The following DHRS7B variants were observed in gnomAD, a reference collection of about 807,000 sequenced individuals.
The protein encoded by DHRS7B is peroxisomal reductase activating PPAR-gamma.
A neutral mutation model predicts 26.4 loss-of-function variants in DHRS7B; 24 were observed. That is an observed-to-expected ratio of 0.91 (90% CI 0.66 to 1.28). The LOEUF is 1.28. DHRS7B is among the 50% of genes most tolerant of loss of function. The pLI, the probability that DHRS7B is intolerant of heterozygous loss-of-function variation, is 0.00. For missense variants in DHRS7B, 368 were observed against 419.4 expected, an observed-to-expected ratio of 0.88 and a Z score of 1.07; for synonymous variants, 142 against 166.4, an observed-to-expected ratio of 0.85 and a Z score of 1.13.
At chr17:21,136,522 A>G (rs939855695) in intron 1 of DHRS7B, among the ~76,000 whole-genome samples, 1 of 149,424 alleles carries the variant, frequency 6.7e-6, no homozygotes, top group African/African-American at 2.4e-5. Context: ...AAAGAAAAAA[A>G]AAAGAAAAGG....
At chr17:21,172,923 A>G (rs1350606411) in intron 2 of DHRS7B, among the ~76,000 whole-genome samples, 2 of 152,230 alleles carry the variant, frequency 1.3e-5, no homozygotes, top group Non-Finnish European at 2.9e-5. Context: ...CCACACACGT[A>G]TATTGACTTG....
At chr17:21,153,630 A>C (rs1180759925) in intron 1 of DHRS7B, among the ~76,000 whole-genome samples, 2 of 152,184 alleles carry the variant, frequency 1.3e-5, no homozygotes, top group Admixed American at 1.3e-4. Flanking sequence ...AGAGGCTAGG[A>C]AGTAGAAGAT....
At chr17:21,132,340 A>G (rs1444329107) in intron 1 of DHRS7B, among the ~76,000 whole-genome samples, 1 of 122,784 alleles carries the variant, frequency 8.1e-6, no homozygotes. Context: ...ATCTCTTAAA[A>G]AAAAAAAAAT....
At chr17:21,172,570 C>T (rs902766409) in intron 2 of DHRS7B, 44 of 322,560 alleles carry the variant, frequency 1.4e-4, no homozygotes, top group Admixed American at 3.1e-4. Flanking sequence ...TAACTTAAAA[C>T]GTGTTTTTAC....
chr17:21,134,442 G>A (rs1260181806), intron 1 of DHRS7B, among the ~76,000 whole-genome samples: 4 of 152,156 alleles, frequency 2.6e-5, no homozygotes, highest in Admixed American at 6.6e-5. Context: ...AGATAAACCT[G>A]GGGCTTCTGG....
At chr17:21,153,528 G>A (rs190854098) in intron 1 of DHRS7B, among the ~76,000 whole-genome samples, 18 of 152,256 alleles carry the variant, frequency 1.2e-4, no homozygotes, top group South Asian at 2.1e-4. Context: ...ACACCAAATC[G>A]CAGAACAAGG....
At chr17:21,172,955 C>T (rs536592525) in intron 2 of DHRS7B, among the ~76,000 whole-genome samples, 2 of 152,244 alleles carry the variant, frequency 1.3e-5, no homozygotes, top group Non-Finnish European at 2.9e-5. Context: ...ATGCACACAC[C>T]ATACCATCTG....
intron 1 of DHRS7B, among the ~76,000 whole-genome samples, chr17:21,161,686 T>G (rs1380023392): frequency 6.6e-6 from 1 of 152,184 alleles, no homozygotes; most frequent in African/African-American, 2.4e-5. Context: ...TGAAATAGAT[T>G]GATTACTTAC....
chr17:21,139,630 C>T (rs575802896), intron 1 of DHRS7B, among the ~76,000 whole-genome samples: 17 of 151,764 alleles, frequency 1.1e-4, no homozygotes, highest in Middle Eastern at 3.4e-3. Flanking sequence ...GCCAAGATCG[C>T]GCCACTGCAC....
intron 5 of DHRS7B, among the ~76,000 whole-genome samples, chr17:21,185,407 C>T (rs1488563648): frequency 6.6e-6 from 1 of 152,186 alleles, no homozygotes; most frequent in Non-Finnish European, 1.5e-5. Context: ...TTCTTTCTTC[C>T]AAGATCTGGA....
chr17:21,191,042 G>A lies in DHRS7B; in HGVS notation c.867G>A (p.Leu289=). 2.5e-6 allele frequency: 4 copies of A among 1,614,248 alleles called. No homozygotes were observed. Among genetic ancestry groups the A allele is most frequent in the Non-Finnish European group, 3.4e-6 (4 of 1,180,050 alleles). Residue 289 remains leucine (L), a synonymous_variant, in exon 7 of 7, where the codon CTG becomes CTA. Transcript: ENST00000395511. The stretch of plus-strand genomic sequence containing the variant: ...GGAAGAAGAAGAAAGATGTGATCCT[G>A]GCTGACTTACTGCCTTCCTTGGCTG... ...AVGKKKKDVI[L]ADLLPSLAVY... is the part of the protein sequence containing the mutation.
intron 4 of DHRS7B, 117 bp from the exon 5 acceptor site, chr17:21,184,254 G>T (rs1567630191): frequency 3.4e-6 from 3 of 895,294 alleles, no homozygotes; most frequent in Non-Finnish European, 5.2e-6. Flanking sequence ...ACCCTAAGGG[G>T]TTTTCACCAT....
chr17:21,163,300 A>G (rs182194909), intron 1 of DHRS7B, among the ~76,000 whole-genome samples: 1 of 152,118 alleles, frequency 6.6e-6, no homozygotes, highest in South Asian at 2.1e-4. Flanking sequence ...CTAGGGGGAC[A>G]TTTACTTCTG....
At chr17:21,169,065 C>A (rs1010343809) in intron 1 of DHRS7B, among the ~76,000 whole-genome samples, 8 of 152,166 alleles carry the variant, frequency 5.3e-5, no homozygotes, top group Admixed American at 3.9e-4. Flanking sequence ...GGTTGAGGGA[C>A]ATTTTAGTAC....
chr17:21,184,924 CT>C (rs1483438692), intron 5 of DHRS7B, among the ~76,000 whole-genome samples: 1 of 152,156 alleles, frequency 6.6e-6, no homozygotes, highest in Non-Finnish European at 1.5e-5. Context: ...ATTCATATTG[CT>C]TTGTGGCTTG....
chr17:21,155,758 C>T (rs534981469), intron 1 of DHRS7B, among the ~76,000 whole-genome samples: 1 of 152,186 alleles, frequency 6.6e-6, no homozygotes, highest in South Asian at 2.1e-4. Flanking sequence ...AACAGAAATA[C>T]ATTGTCTGCT....
chr17:21,187,539 C>T (rs908365626), intron 5 of DHRS7B, among the ~76,000 whole-genome samples: 1 of 149,382 alleles, frequency 6.7e-6, no homozygotes, highest in Non-Finnish European at 1.5e-5. Flanking sequence ...GGGAGAAGAA[C>T]GGTGTGAACC....
rs1974569323 is a variant in DHRS7B at position 21,183,815 on chromosome 17, C to T, written c.526+5C>T. 5 of 1,612,432 alleles carry T rather than the reference C, an allele frequency of 3.1e-6. No individual in the cohort carries two copies. On this transcript the variant is annotated splice_donor_5th_base_variant and intron_variant, in intron 4 of 6. Coordinates refer to ENST00000395511, the MANE Select transcript of DHRS7B (RefSeq NM_015510.5). ...GCCCAGTTGCTCTAACGAAAGGTAA[C>T]AGTCTTGAGAAAAGAGCAGTGATAA...
intron 6 of DHRS7B, among the ~76,000 whole-genome samples, chr17:21,190,229 G>C (rs1397158103): frequency 6.6e-6 from 1 of 151,828 alleles, no homozygotes; most frequent in African/African-American, 2.4e-5. Context: ...GTGCCTGCCA[G>C]CTGGTCCTAC....
Sources: gnomAD v4.1 joint callset for allele counts (sites outside exome capture counted in the v4.1 genomes callset) on GRCh38, gnomAD v4.1.1 for gene constraint, MANE v1.5 for transcripts, NCBI Gene and HGNC (gene_info 2026-07-23, HGNC 2026-07-21) for gene names.